Variants in PPP2R5B observed in about 807,000 individuals in gnomAD.
PPP2R5B encodes protein phosphatase 2 regulatory subunit B'beta.
PPP2R5B carries 19 observed loss-of-function variants against 59.9 expected under a neutral mutation model. That is an observed-to-expected ratio of 0.32 (90% CI 0.22 to 0.47). The LOEUF is 0.47. Ranked by LOEUF, PPP2R5B falls within the 20% of genes least tolerant of loss-of-function variation. PPP2R5B has a pLI of 1.00. For synonymous variants in PPP2R5B, 286 were observed against 260.5 expected (o/e 1.10, Z -0.94); for missense variants, 441 against 640.2 (o/e 0.69, Z 3.36).
chr11:64,933,808 T>C lies in PPP2R5B; in HGVS notation c.1458T>C (p.Leu486=), dbSNP rs1438653963. 1 of 1,552,010 alleles carries C rather than the reference T, an allele frequency of 6.4e-7. No individual in the cohort carries two copies. Among genetic ancestry groups the C allele is most frequent in the African/African-American group, 1.4e-5 (1 of 72,988 alleles). The change falls in exon 14 of 14, where the codon CTT becomes CTC. Residue 486 remains leucine (L), a synonymous_variant. Transcript: ENST00000164133. ...QGAKEAPLQR[L]TPQVAASGGQ... ...CCAAGGAGGCCCCCCTCCAGCGGCT[T>C]ACACCCCAGGTGGCCGCCAGTGGGG...
intron 2 of PPP2R5B, 121 bp from the exon 3 acceptor site, chr11:64,926,591 C>G (rs1945166108): frequency 4.7e-6 from 5 of 1,058,672 alleles, no homozygotes; most frequent in Non-Finnish European, 5.5e-6. Context: ...GGAGATGGCA[C>G]AAGAGCATGG....
intron 2 of PPP2R5B, 80 bp downstream of exon 2, chr11:64,926,013 G>A: frequency 7.1e-7 from 1 of 1,416,094 alleles, no homozygotes; most frequent in Non-Finnish European, 9.6e-7. Context: ...GGAGGCAGCG[G>A]GCAGCTGCCA....
rs374175756 is a variant in PPP2R5B at position 64,931,727 on chromosome 11, C to A, written c.997-22C>A. The A allele has an allele frequency of 1.1e-5, 17 of 1,613,972 alleles. No homozygotes were observed. Among genetic ancestry groups the A allele is most frequent in the Non-Finnish European group, 1.4e-5 (16 of 1,179,962 alleles). ...GTGAGCTGCTGCCCCTCTGTCCCTA[C>A]TCCCCTCCCCAACCCACCCAGGTGA... is the stretch of plus-strand genomic sequence containing the variant. On this transcript the variant is annotated intron_variant, in intron 10 of 13. Coordinates refer to ENST00000164133, the MANE Select transcript of PPP2R5B (RefSeq NM_006244.4). This position sits in a 1 kb window ranked among gnomAD's most constrained non-coding sequence, Gnocchi z 5.0.
In PPP2R5B at chr11:64,925,780, T is replaced by G; in HGVS notation, c.46T>G (p.Ser16Ala). 1.8e-5 allele frequency: 16 copies of G among 867,146 alleles called. No individual in the cohort carries two copies. Among genetic ancestry groups the G allele is most frequent in the South Asian group, 3.5e-5 (2 of 56,490 alleles). 53.7% of individuals were successfully genotyped at this position (867,146 alleles called of 1,614,324 possible). A position where few individuals can be genotyped will look rare whatever the true frequency, so the allele number is the denominator to read the frequency against. The part of the protein sequence containing the change: ...PPASTPTSPS[S>A]PGLSPVPPPD... ...TGCAAGCACCCCCACTAGCCCCTCC[T>G]CCCCCGGGCTGTCGCCTGTGCCCCC... Residue 16 changes from serine to alanine, a missense_variant, in exon 2 of 14, where the codon TCC (serine) becomes GCC (alanine). Around this residue, in one of 3 missense-constraint regions of PPP2R5B, gnomAD observed 103 missense variants for 87.9 expected, o/e 1.17. Transcript: ENST00000164133. The surrounding 1 kb of genome is among the most constrained non-coding windows in gnomAD (Gnocchi z 4.6).
intron 8 of PPP2R5B, 141 bp downstream of exon 8, chr11:64,930,730 C>T: frequency 2.8e-6 from 2 of 720,058 alleles, no homozygotes; most frequent in Non-Finnish European, 4.6e-6. Flanking sequence ...TTAGAAAATT[C>T]CCACTGGCGC....
At chr11:64,929,452 G>A (rs770708513) in intron 6 of PPP2R5B, among the ~76,000 whole-genome samples, 4 of 152,196 alleles carry the variant, frequency 2.6e-5, no homozygotes, top group Non-Finnish European at 5.9e-5. Flanking sequence ...CTGGCTGGGT[G>A]CAGTGGCTCA....
intron 1 of PPP2R5B, among the ~76,000 whole-genome samples, chr11:64,919,284 G>C (rs1410638853): frequency 6.6e-6 from 1 of 151,978 alleles, no homozygotes; most frequent in African/African-American, 2.4e-5. Context: ...CGGAGCTTGT[G>C]GTGAGCCAAG....
In PPP2R5B at chr11:64,933,198, G is replaced by T; in HGVS notation, c.1298G>T (p.Gly433Val). 6.2e-7 allele frequency: 1 copy of T among 1,613,590 alleles called. No homozygotes were observed. Among genetic ancestry groups the T allele is most frequent in the Non-Finnish European group, 8.5e-7 (1 of 1,179,668 alleles). Residue 433 changes from glycine (G) to valine (V), a missense_variant, in exon 13 of 14, where the codon GGG (glycine) becomes GTG (valine). Gly to Val is a moderately radical substitution (Grantham distance 109). Around this residue, in one of 3 missense-constraint regions of PPP2R5B, gnomAD observed 268 missense variants for 488.1 expected, o/e 0.55. Coordinates refer to ENST00000164133, the MANE Select transcript of PPP2R5B (RefSeq NM_006244.4). ...CTCAAGACCTTCATGGAGATGAATG[G>T]GAAGCTGTTTGATGAGCTCACAGCC... Reference protein sequence around the residue: ...NVLKTFMEMNGKLFDELTASY... With the variant: ...NVLKTFMEMNVKLFDELTASY...
At chr11:64,933,563 A>T in intron 13 of PPP2R5B, 134 bp from the exon 14 acceptor site, 1 of 1,161,084 alleles carries the variant, frequency 8.6e-7, no homozygotes, top group Non-Finnish European at 1.2e-6. Context: ...GAGGGTTTTT[A>T]TGGAGTCACA....
upstream of PPP2R5B, among the ~76,000 whole-genome samples, chr11:64,922,398 T>C (rs956435648): frequency 2.6e-5 from 4 of 152,084 alleles, no homozygotes; most frequent in African/African-American, 9.7e-5. Context: ...GGCAGGAGGA[T>C]TGCTTGGGCC....
Position 64,926,926 on chromosome 11 carries a change from A to G in PPP2R5B, c.396+18A>G. ...TCCGCATGGTGAGCACCTGCCACCC[A>G]GGCTCCGAGGGCCGGCCGAGAGGGC... On this transcript the variant is annotated intron_variant, in intron 3 of 13. Transcript: ENST00000164133. 1 of 1,610,132 alleles carries G rather than the reference A, an allele frequency of 6.2e-7. No individual in the cohort carries two copies. The highest frequency in any genetic ancestry group is 8.5e-7 in the Non-Finnish European group (1 of 1,177,832).
chr11:64,933,372 C>G, intron 13 of PPP2R5B, 126 bp downstream of exon 13: 1 of 829,022 alleles, frequency 1.2e-6, no homozygotes, highest in Non-Finnish European at 1.9e-6. Context: ...ACTGTCCATG[C>G]TCCTGCCATC....
intron 6 of PPP2R5B, among the ~76,000 whole-genome samples, chr11:64,929,425 T>TAACTAGGGAATG (rs1945205086): frequency 3.9e-5 from 6 of 152,164 alleles, no homozygotes; most frequent in Admixed American, 3.9e-4. Context: ...AGTTTGCTCG[T>TAACTAGGGAATG]CTTTAAAATG....
rs1034892769 is a variant in PPP2R5B, at chr11:64,924,727, G to T, written c.-566G>T. The T allele has an allele frequency of 3.9e-5, 6 of 152,408 alleles. No individual in the cohort carries two copies. Among genetic ancestry groups the T allele is most frequent in the Admixed American group, 2.0e-4 (3 of 15,310 alleles). 9.4% of individuals were successfully genotyped at this position (152,408 alleles called of 1,614,324 possible). On this transcript the variant is annotated 5_prime_UTR_variant, in exon 1 of 14. Transcript: ENST00000164133. The stretch of plus-strand genomic sequence containing the variant: ...GCAGCTGGGCGGCGGGTGCCGGTGC[G>T]CACGGAGCCGAGCCGGGGCTCCCGT...
chr11:64,922,583 C>CT (rs1212098515), upstream of PPP2R5B, among the ~76,000 whole-genome samples: 12 of 151,740 alleles, frequency 7.9e-5, no homozygotes, highest in South Asian at 2.1e-4. Context: ...CTTCAGAAGT[C>CT]TTTTTTTTCA....
At chr11:64,928,205 G>A in intron 5 of PPP2R5B, 47 bp downstream of exon 5, 1 of 1,613,410 alleles carries the variant, frequency 6.2e-7, no homozygotes, top group Non-Finnish European at 8.5e-7. Flanking sequence ...GCAGGGGCAG[G>A]CTCTCTGAGG....
Position 64,931,975 on chromosome 11 carries a change from C to T in PPP2R5B, c.1116+107C>T. 6.6e-7 allele frequency: 1 copy of T among 1,509,206 alleles called. No homozygotes were observed. Among genetic ancestry groups the T allele is most frequent in the Non-Finnish European group, 8.9e-7 (1 of 1,125,698 alleles). The allele number at this position is 1,509,206 out of a possible 1,614,324, so 93.5% of individuals were successfully genotyped here. On this transcript the variant is annotated intron_variant, in intron 11 of 13. Coordinates refer to ENST00000164133, the MANE Select transcript of PPP2R5B (RefSeq NM_006244.4). The surrounding 1 kb of genome is among the most constrained non-coding windows in gnomAD (Gnocchi z 5.0). ...CTCAGTTTCTCCTCCAATCCCGGGT[C>T]TGGTAATGGGGAGATGCTGGACTTA...
intron 6 of PPP2R5B, among the ~76,000 whole-genome samples, chr11:64,929,296 G>A (rs1347618331): frequency 6.6e-6 from 1 of 152,208 alleles, no homozygotes; most frequent in African/African-American, 2.4e-5. Context: ...AGCACCCACT[G>A]GGCATCAAGG....
intron 3 of PPP2R5B, 23 bp from the exon 4 acceptor site, chr11:64,927,779 T>C (rs1345344851): frequency 4.5e-6 from 7 of 1,540,248 alleles, no homozygotes; most frequent in Middle Eastern, 1.7e-4. Context: ...TTTTCCTTAA[T>C]GAACCCCAAC....
Sources: allele counts gnomAD v4.1 joint callset (sites outside exome capture counted in the v4.1 genomes callset), GRCh38; gene constraint gnomAD v4.1.1; regional missense constraint gnomAD v4.1.1; non-coding constraint Gnocchi (gnomAD v3.1); transcripts MANE v1.5; gene names NCBI Gene and HGNC (gene_info 2026-07-23, HGNC 2026-07-21).